GSK3B: variants seen among roughly 807,000 people sequenced by gnomAD.
GSK3B encodes glycogen synthase kinase 3 beta.
In GSK3B, 15 loss-of-function variants were observed where a neutral mutation model predicts 56.4. That is an observed-to-expected ratio of 0.27 (90% CI 0.18 to 0.41). The LOEUF (loss-of-function observed/expected upper bound fraction) is 0.41, where lower values mean the gene tolerates loss of function less well. Ranked by LOEUF, GSK3B falls within the 10% of genes least tolerant of loss-of-function variation. The pLI, the probability that GSK3B is intolerant of heterozygous loss-of-function variation, is 1.00. For missense variants in GSK3B, 300 were observed against 513.4 expected (o/e 0.58, Z 4.02); for synonymous variants, 181 against 188.9 (o/e 0.96, Z 0.34).
At chr3:119,871,399 C>T (rs2056248885) in intron 8 of GSK3B, among the ~76,000 whole-genome samples, 1 of 152,118 alleles carries the variant, frequency 6.6e-6, no homozygotes, top group African/African-American at 2.4e-5. Context: ...AGACACTTTA[C>T]TATTAAGTAT....
intron 2 of GSK3B, among the ~76,000 whole-genome samples, chr3:119,993,226 G>A (rs2107469647): frequency 6.6e-6 from 1 of 151,940 alleles, no homozygotes; most frequent in Non-Finnish European, 1.5e-5. Flanking sequence ...ACATAATGAG[G>A]TTGGCCATCT....
At chr3:120,030,415 T>G (rs1559883389) in intron 1 of GSK3B, among the ~76,000 whole-genome samples, 1 of 152,200 alleles carries the variant, frequency 6.6e-6, no homozygotes, top group Non-Finnish European at 1.5e-5. Context: ...ACTCCCCACT[T>G]TGGAGTTACA....
intron 1 of GSK3B, among the ~76,000 whole-genome samples, chr3:120,070,823 A>C (rs1400089702): frequency 6.6e-6 from 1 of 152,232 alleles, no homozygotes; most frequent in African/African-American, 2.4e-5. Flanking sequence ...ATAACCACAC[A>C]GTGCCAACGT....
intron 9 of GSK3B, among the ~76,000 whole-genome samples, chr3:119,857,197 A>G (rs1381533938): frequency 6.6e-6 from 1 of 152,192 alleles, no homozygotes; most frequent in Non-Finnish European, 1.5e-5. Context: ...GCTGAAGGTT[A>G]GGGTGGCTAT....
At chr3:119,998,285 G>C (rs967406536) in intron 2 of GSK3B, among the ~76,000 whole-genome samples, 2 of 152,100 alleles carry the variant, frequency 1.3e-5, no homozygotes, top group African/African-American at 4.8e-5. Context: ...TTTTCCAGTG[G>C]CTCCCTTGCC....
intron 3 of GSK3B, among the ~76,000 whole-genome samples, chr3:119,941,606 T>C (rs963405527): frequency 3.9e-5 from 6 of 152,302 alleles, no homozygotes; most frequent in South Asian, 2.1e-4. Flanking sequence ...AAGTGAGTTA[T>C]AAAATATGTA....
At chr3:119,999,147 A>T (rs2057651635) in intron 2 of GSK3B, among the ~76,000 whole-genome samples, 1 of 152,262 alleles carries the variant, frequency 6.6e-6, no homozygotes. Flanking sequence ...TGCAACCATT[A>T]GAGAATGAAA....
intron 10 of GSK3B, among the ~76,000 whole-genome samples, chr3:119,841,555 A>T (rs754727032): frequency 2.6e-5 from 4 of 152,192 alleles, no homozygotes; most frequent in Admixed American, 6.5e-5. Flanking sequence ...AACAGGTCAT[A>T]CTTTTAAAAA....
intron 2 of GSK3B, among the ~76,000 whole-genome samples, chr3:119,984,017 C>T (rs900144355): frequency 6.6e-6 from 1 of 152,182 alleles, no homozygotes; most frequent in African/African-American, 2.4e-5. Context: ...TCATAGACCA[C>T]AGTGCAATAA....
Position 119,826,596 on chromosome 3 carries a change from A to C in GSK3B, c.*192T>G. The C allele has an allele frequency of 3.0e-6, 2 of 667,792 alleles. No individual in the cohort carries two copies. The highest frequency in any genetic ancestry group is 5.5e-6 in the Non-Finnish European group (2 of 363,990). The allele number at this position is 667,792 out of a possible 1,614,324, so 41.4% of individuals were successfully genotyped here. A position where few individuals can be genotyped will look rare whatever the true frequency, so the allele number is the denominator to read the frequency against. The stretch of plus-strand genomic sequence containing the variant: ...TGGATCTCCCTCAAAGTGAGAATAC[A>C]ATGAAATTGGTTTGTATTTATAGAT... On this transcript the variant is annotated 3_prime_UTR_variant, in exon 11 of 11. Coordinates refer to ENST00000264235, the MANE Select transcript of GSK3B (RefSeq NM_001146156.2).
In GSK3B at chr3:119,822,116, A is replaced by T. The variant is rs914139556; in HGVS notation, c.*4672T>A. On this transcript the variant is annotated 3_prime_UTR_variant, in exon 11 of 11. Coordinates refer to ENST00000264235, the MANE Select transcript of GSK3B (RefSeq NM_001146156.2). Reference sequence around the variant, plus strand: ...CTTTTCACAAAAAAGTTTATATTTAAAATGAAAAAAAAATCAGTCACAGAG... The same window carrying T: ...CTTTTCACAAAAAAGTTTATATTTATAATGAAAAAAAAATCAGTCACAGAG... 1 of 113,158 alleles carries T rather than the reference A, an allele frequency of 8.8e-6. No homozygotes were observed. Among genetic ancestry groups the T allele is most frequent in the Non-Finnish European group, 1.8e-5 (1 of 55,728 alleles). The allele number at this position is 113,158 out of a possible 1,614,324, so 7.0% of individuals were successfully genotyped here. A position where few individuals can be genotyped will look rare whatever the true frequency, so the allele number is the denominator to read the frequency against.
intron 8 of GSK3B, chr3:119,866,505 T>C (rs756617343): frequency 1.8e-4 from 152 of 824,238 alleles, no homozygotes; most frequent in Non-Finnish European, 2.5e-4. Context: ...CAAGAATGAG[T>C]AATTATTTAG....
intron 5 of GSK3B, 83 bp downstream of exon 5, chr3:119,915,961 A>C: frequency 1.3e-3 from 1,007 of 765,630 alleles, no homozygotes; most frequent in Non-Finnish European, 1.9e-3. Context: ...TTAGGCTGAT[A>C]TTGCAAAAGG....
At chr3:120,020,455 CT>C (rs1479117653) in intron 1 of GSK3B, among the ~76,000 whole-genome samples, 1 of 152,142 alleles carries the variant, frequency 6.6e-6, no homozygotes, top group Admixed American at 6.5e-5. Flanking sequence ...CACTTTATGT[CT>C]CTGTGTCACA....
intron 1 of GSK3B, among the ~76,000 whole-genome samples, chr3:120,023,315 A>G (rs1355995623): frequency 1.3e-5 from 2 of 151,334 alleles, no homozygotes; most frequent in African/African-American, 4.9e-5. Flanking sequence ...GGTCCCTCCA[A>G]GGTTATGTCC....
At chr3:120,082,681 A>G (rs2107578906) in intron 1 of GSK3B, among the ~76,000 whole-genome samples, 1 of 151,994 alleles carries the variant, frequency 6.6e-6, no homozygotes, top group Non-Finnish European at 1.5e-5. Context: ...GGCATGAGCC[A>G]CCGCGCCCGG....
At chr3:120,041,472 C>T in intron 1 of GSK3B, 1 of 253,954 alleles carries the variant, frequency 3.9e-6, no homozygotes, top group South Asian at 6.1e-5. Context: ...TAAGGAAATC[C>T]TCAATGTGAT....
At chr3:119,910,182 G>A (rs58533045) in intron 6 of GSK3B, among the ~76,000 whole-genome samples, 1,846 of 152,112 alleles carry the variant, frequency 0.012, 33 homozygotes, top group African/African-American at 0.042. Flanking sequence ...AATTCTTAAG[G>A]TAAAAGCTAT....
intron 1 of GSK3B, among the ~76,000 whole-genome samples, chr3:120,056,736 A>G (rs1040447563): frequency 2.0e-5 from 3 of 152,218 alleles, no homozygotes; most frequent in Non-Finnish European, 4.4e-5. Flanking sequence ...AGTTTCTCTG[A>G]GCATGACCCC....
Sources: gnomAD v4.1 joint callset for allele counts (sites outside exome capture counted in the v4.1 genomes callset) on GRCh38, gnomAD v4.1.1 for gene constraint, MANE v1.5 for transcripts, NCBI Gene and HGNC (gene_info 2026-07-23, HGNC 2026-07-21) for gene names.